The following GLS2 variants were observed in gnomAD, a reference collection of about 807,000 sequenced individuals.
GLS2 encodes the protein glutaminase liver isoform, mitochondrial.
In GLS2, 52 loss-of-function variants were observed where a neutral mutation model predicts 79.0. The observed-to-expected ratio is 0.66, with a 90% CI of 0.53 to 0.83. GLS2 has a LOEUF of 0.83. Among genes scored for constraint, GLS2 ranks in the 40% least tolerant of loss-of-function variants. The probability of loss-of-function intolerance (pLI) is 0.00; values close to 1 mark genes in which losing one functional copy is unlikely to be tolerated. For synonymous variants in GLS2, 238 were observed against 280.8 expected, an observed-to-expected ratio of 0.85 and a Z score of 1.52; for missense variants, 561 against 764.8, an observed-to-expected ratio of 0.73 and a Z score of 3.14.
intron 14 of GLS2, 131 bp from the exon 15 acceptor site, chr12:56,472,882 ATTCTT>A: frequency 1.8e-6 from 1 of 544,654 alleles, no homozygotes; most frequent in Non-Finnish European, 3.1e-6. Flanking sequence ...ACTCTGAAAT[ATTCTT>A]TTTTTTTTTT....
chr12:56,483,635 G>A (rs1008666848), intron 1 of GLS2, among the ~76,000 whole-genome samples: 1 of 151,940 alleles, frequency 6.6e-6, no homozygotes, highest in Non-Finnish European at 1.5e-5. Context: ...TTTTAGAGAT[G>A]GGGTTTAGCT....
chr12:56,480,231 C>T (rs927247615), intron 2 of GLS2, 57 bp downstream of exon 2: 1 of 1,479,098 alleles, frequency 6.8e-7, no homozygotes, highest in Non-Finnish European at 9.4e-7. Flanking sequence ...CCCTCCTTTC[C>T]CCACTTTTCA....
In GLS2 at chr12:56,478,108, C is replaced by A. The variant is rs756326590; in HGVS notation, c.615-12G>T. 6.2e-7 allele frequency: 1 copy of A among 1,613,962 alleles called. No individual in the cohort carries two copies. Among genetic ancestry groups the A allele is most frequent in the Non-Finnish European group, 8.5e-7 (1 of 1,179,872 alleles). ...GGCCCACAGAGTGCCTGGAGGCAGA[C>A]AGATGCCATGAAAGGGGTTGGCCTG... is the stretch of plus-strand genomic sequence containing the variant. On this transcript the variant is annotated splice_polypyrimidine_tract_variant and intron_variant, in intron 5 of 17. Transcript: ENST00000311966.
rs938841980 is a variant in GLS2, at chr12:56,471,365, C to A, written c.*122G>T. The A allele has an allele frequency of 1.3e-5, 14 of 1,089,432 alleles. No individual in the cohort carries two copies. Among genetic ancestry groups the A allele is most frequent in the Non-Finnish European group, 1.3e-5 (10 of 777,832 alleles). 67.5% of individuals were successfully genotyped at this position (1,089,432 alleles called of 1,614,324 possible). On this transcript the variant is annotated 3_prime_UTR_variant, in exon 18 of 18. Transcript: ENST00000311966. ...CCATAGAAAGCACTAGCCTAAGTCACCAAATGACTGCTTGGTCCCCACTGA... is the reference window on the plus strand; with the variant it reads ...CCATAGAAAGCACTAGCCTAAGTCAACAAATGACTGCTTGGTCCCCACTGA...
rs1454825566 is a variant in GLS2, at chr12:56,479,914, G to C, written c.283-13C>G. On this transcript the variant is annotated splice_polypyrimidine_tract_variant and intron_variant, in intron 2 of 17. Coordinates refer to ENST00000311966, the MANE Select transcript of GLS2 (RefSeq NM_013267.4). ...TGGCCTTTAGTGCCTTTAGAGGAAA[G>C]AAGAGGCCAGAAAGGTCAGCTACAA... 1.2e-6 allele frequency: 2 copies of C among 1,611,248 alleles called. No individual in the cohort carries two copies. The highest frequency in any genetic ancestry group is 2.7e-5 in the African/African-American group (2 of 74,910).
At chr12:56,475,183 C>T (rs1565703244) in intron 9 of GLS2, 73 bp from the exon 10 acceptor site, 1 of 1,607,478 alleles carries the variant, frequency 6.2e-7, no homozygotes. Flanking sequence ...AATTACCTTC[C>T]CTGGAGAGAC....
In GLS2 at chr12:56,488,153, G is replaced by A. The variant is rs1388621670; in HGVS notation, c.-35C>T. On this transcript the variant is annotated 5_prime_UTR_variant, in exon 1 of 18. Coordinates refer to ENST00000311966, the MANE Select transcript of GLS2 (RefSeq NM_013267.4). ...AGCCTCCGGCTCTGCAGGTGCGCCC[G>A]GGACCTCTAGCTGTGGCTGGGAAGG... 4.6e-6 allele frequency: 7 copies of A among 1,509,474 alleles called. No homozygotes were observed. The South Asian group carries it at 8.7e-5, about 19-fold the overall frequency. The allele number at this position is 1,509,474 out of a possible 1,614,324, so 93.5% of individuals were successfully genotyped here. A position where few individuals can be genotyped will look rare whatever the true frequency, so the allele number is the denominator to read the frequency against.
intron 4 of GLS2, chr12:56,478,583 T>G: frequency 3.1e-6 from 1 of 325,840 alleles, no homozygotes. Context: ...TCGATCTTGA[T>G]TCCCTCACCT....
At chr12:56,484,455 T>C (rs1870535931) in intron 1 of GLS2, among the ~76,000 whole-genome samples, 1 of 152,170 alleles carries the variant, frequency 6.6e-6, no homozygotes, top group African/African-American at 2.4e-5. Context: ...CAGCTTGGCA[T>C]AGACTAGGCA....
In GLS2 at chr12:56,478,061, A is replaced by G; in HGVS notation, c.650T>C (p.Leu217Pro). ...SVGHTKIPFC[L>P]QSCVKPLTYA... ...GGTGAGGGGCTTCACACAGGACTGCAGGCAGAAGGGGATCTTTGTGTGGCC... is the reference window on the plus strand; with the variant it reads ...GGTGAGGGGCTTCACACAGGACTGCGGGCAGAAGGGGATCTTTGTGTGGCC... Residue 217 changes from leucine (L) to proline (P), a missense_variant, in exon 6 of 18, where the codon CTG (leucine) becomes CCG (proline). This residue lies in a region of GLS2 where 221 missense variants were observed against 275.6 expected (regional missense o/e 0.80). Transcript: ENST00000311966. 1 of 1,614,202 alleles carries G rather than the reference A, an allele frequency of 6.2e-7. No individual in the cohort carries two copies. The highest frequency in any genetic ancestry group is 8.5e-7 in the Non-Finnish European group (1 of 1,180,018).
intron 2 of GLS2, 94 bp downstream of exon 2, chr12:56,480,194 C>A: frequency 9.3e-7 from 1 of 1,069,556 alleles, no homozygotes; most frequent in South Asian, 1.5e-5. Context: ...CATGTAGCAA[C>A]CCATTAGCTG....
Position 56,487,983 on chromosome 12 carries a change from G to A in GLS2, c.136C>T (p.Gln46Ter). The A allele has an allele frequency of 6.2e-7, 1 of 1,602,236 alleles. No homozygotes were observed. Among genetic ancestry groups the A allele is most frequent in the East Asian group, 2.2e-5 (1 of 44,846 alleles). The change falls in exon 1 of 18, where the codon CAG becomes TAG. Residue 46 changes from glutamine (Q) to a stop codon, truncating the protein, a stop_gained. Transcript: ENST00000311966. LOFTEE classifies it high-confidence loss of function. Reference sequence around the variant, plus strand: ...TGGCTGTGTGGCGTCTCTCTGCCCTGCGCCGCGGCCTCACTGAGGTGGTGC... The same window carrying A: ...TGGCTGTGTGGCGTCTCTCTGCCCTACGCCGCGGCCTCACTGAGGTGGTGC... The part of the protein sequence containing the change: ...VRHHLSEAAA[Q>*]GRETPHSHQP...
chr12:56,474,555 A>T lies in GLS2; in HGVS notation c.1213T>A (p.Phe405Ile). ...AGCCAGAAACTCACGTGGAAGGCAA[A>T]CTGGCCAGAGAAGTCATACATGCCG... ...SCGMYDFSGQ[F>I]AFHVGLPAKS... Residue 405 changes from phenylalanine (F) to isoleucine (I), a missense_variant, in exon 12 of 18, where the codon TTT becomes ATT. Around this residue, in one of 4 missense-constraint regions of GLS2, gnomAD observed 221 missense variants for 275.6 expected, o/e 0.80. Coordinates refer to ENST00000311966, the MANE Select transcript of GLS2 (RefSeq NM_013267.4). 6.2e-7 allele frequency: 1 copy of T among 1,614,022 alleles called. No homozygotes were observed. The highest frequency in any genetic ancestry group is 1.1e-5 in the South Asian group (1 of 91,084).
chr12:56,473,767 A>G lies in GLS2; in HGVS notation c.1225-173T>C, dbSNP rs7306152. 2,474 of 705,390 alleles carry G rather than the reference A, an allele frequency of 3.5e-3. 52 individuals carry two copies. In the African/African-American group the frequency reaches 0.041, roughly 12 times the overall value. 43.7% of individuals were successfully genotyped at this position (705,390 alleles called of 1,614,324 possible). ...TTACTCCTGTCCTTTCCTTCCCTTA[A>G]ATTCATTGATTCAGCTAGAAAATAT... is the stretch of plus-strand genomic sequence containing the variant. On this transcript the variant is annotated intron_variant, in intron 12 of 17. Transcript: ENST00000311966.
Position 56,472,750 on chromosome 12 carries a change from T to C in GLS2, c.1451A>G (p.Asn484Ser). 6.2e-7 allele frequency: 1 copy of C among 1,613,918 alleles called. No homozygotes were observed. The highest frequency in any genetic ancestry group is 1.1e-5 in the South Asian group (1 of 91,072). Residue 484 changes from asparagine (N) to serine (S), a missense_variant and splice_region_variant, in exon 15 of 18, where the codon AAC becomes AGC. Physicochemically the swap from Asn to Ser is conservative, Grantham distance 46. Around this residue, in one of 4 missense-constraint regions of GLS2, gnomAD observed 136 missense variants for 228.6 expected, o/e 0.59. Transcript: ENST00000311966. ...AAATAACAGGTTGACCACAGTCTTG[T>C]TCTGGAACACAAATCATACCCACAT... ...DPRREGAEIRNKTVVNLLFAA... is the reference protein window; with the variant it reads ...DPRREGAEIRSKTVVNLLFAA...
At chr12:56,482,240 T>A (rs1266838232) in intron 1 of GLS2, among the ~76,000 whole-genome samples, 4 of 151,790 alleles carry the variant, frequency 2.6e-5, no homozygotes, top group South Asian at 2.1e-4. Context: ...AAAAAAAAAA[T>A]AAAGTAAAAT....
At chr12:56,476,950 G>A (rs1477525161) in intron 7 of GLS2, 1 of 152,216 alleles carries the variant, frequency 6.6e-6, no homozygotes, top group Non-Finnish European at 1.5e-5. Flanking sequence ...GCAGGTCCCA[G>A]ATACAGGTTT....
chr12:56,475,553 T>A (rs747024690), intron 9 of GLS2, 71 bp downstream of exon 9: 13 of 1,503,580 alleles, frequency 8.6e-6, no homozygotes, highest in African/African-American at 1.4e-5. Context: ...CCCCCATTCC[T>A]CTTGTCCCCA....
Position 56,487,808 on chromosome 12 carries a change from G to A in GLS2, c.182+129C>T, listed in dbSNP as rs568492645. 7 of 1,119,714 alleles carry A rather than the reference G, an allele frequency of 6.3e-6. No homozygotes were observed. The African/African-American group carries it at 9.7e-5, about 16-fold the overall frequency. 69.4% of individuals were successfully genotyped at this position (1,119,714 alleles called of 1,614,324 possible). On this transcript the variant is annotated intron_variant, in intron 1 of 17. Coordinates refer to ENST00000311966, the MANE Select transcript of GLS2 (RefSeq NM_013267.4). ...CAAAGCCCCACATCCAAAGGAAAAG[G>A]CACCGAGGGCTAGTGAGCGAGGAGA...
Sources: allele counts gnomAD v4.1 joint callset (sites outside exome capture counted in the v4.1 genomes callset), GRCh38; gene constraint gnomAD v4.1.1; regional missense constraint gnomAD v4.1.1; transcripts MANE v1.5; gene names NCBI Gene and HGNC (gene_info 2026-07-23, HGNC 2026-07-21).